ANTXR1: variants seen among roughly 807,000 people sequenced by gnomAD.
The protein encoded by ANTXR1 is ANTXR cell adhesion molecule 1.
In ANTXR1, 19 loss-of-function variants were observed where a neutral mutation model predicts 78.1. That is an observed-to-expected ratio of 0.24 (90% confidence interval 0.17 to 0.36). The LOEUF (loss-of-function observed/expected upper bound fraction) is 0.36. Among genes scored for constraint, ANTXR1 ranks in the 10% least tolerant of loss-of-function variants. ANTXR1 has a pLI of 1.00. For synonymous variants in ANTXR1, 273 were observed against 260.5 expected (o/e 1.05, Z -0.46); for missense variants, 518 against 718.6 (o/e 0.72, Z 3.19).
At chr2:69,187,069 T>C (rs1437690244) in intron 16 of ANTXR1, among the ~76,000 whole-genome samples, 1 of 152,208 alleles carries the variant, frequency 6.6e-6, no homozygotes, top group Non-Finnish European at 1.5e-5. Context: ...TGAATTGCAT[T>C]GCATTAGACC....
chr2:69,145,482 G>A, intron 12 of ANTXR1: 2 of 1,510,728 alleles, frequency 1.3e-6, no homozygotes, highest in Non-Finnish European at 1.8e-6. Context: ...ATGAGTGGAG[G>A]GCAGAGACAG....
intron 3 of ANTXR1, among the ~76,000 whole-genome samples, chr2:69,051,018 A>G (rs1258609653): frequency 1.3e-5 from 2 of 151,944 alleles, no homozygotes; most frequent in Non-Finnish European, 1.5e-5. Flanking sequence ...CGGTGTGGTG[A>G]CTCACACCTA....
chr2:69,138,893 C>T (rs954906118), intron 12 of ANTXR1, among the ~76,000 whole-genome samples: 1 of 152,158 alleles, frequency 6.6e-6, no homozygotes. Flanking sequence ...ACCTGCATTG[C>T]CCAAATTTAT....
intron 12 of ANTXR1, among the ~76,000 whole-genome samples, chr2:69,143,463 G>T (rs1340967553): frequency 6.6e-6 from 1 of 152,090 alleles, no homozygotes; most frequent in African/African-American, 2.4e-5. Flanking sequence ...CAGTGTGAAC[G>T]GTTGAGTTTG....
chr2:69,082,302 C>T (rs115031501), intron 8 of ANTXR1, among the ~76,000 whole-genome samples: 1,698 of 152,304 alleles, frequency 0.011, 36 homozygotes, highest in African/African-American at 0.039. Flanking sequence ...TCCCCTTCCA[C>T]ACTTGCACAG....
intron 11 of ANTXR1, 80 bp downstream of exon 11, chr2:69,123,166 T>C: frequency 6.8e-7 from 1 of 1,474,448 alleles, no homozygotes; most frequent in Non-Finnish European, 9.5e-7. Context: ...AAAGAAAGCA[T>C]CTAGAGAAAG....
chr2:69,025,663 T>G lies in ANTXR1; in HGVS notation c.152+12012T>G, dbSNP rs78670965. Among the ~76,000 whole-genome samples the G allele has an allele frequency of 9.5e-3, 1,443 of 152,312 alleles. 28 individuals are homozygous for G. The highest frequency in any genetic ancestry group is 0.033 in the African/African-American group (1,372 of 41,564). On this transcript the variant is annotated intron_variant, in intron 1 of 17. Transcript: ENST00000303714. Reference sequence around the variant, plus strand: ...AAAGTGAAGACTCCTAACTGTAACTTTAGACCAGTCACAATAATAAACAAT... The same window carrying G: ...AAAGTGAAGACTCCTAACTGTAACTGTAGACCAGTCACAATAATAAACAAT...
intron 9 of ANTXR1, among the ~76,000 whole-genome samples, chr2:69,092,353 C>T (rs974953396): frequency 6.6e-6 from 1 of 152,074 alleles, no homozygotes; most frequent in Admixed American, 6.5e-5. Flanking sequence ...ACTAAAAAAT[C>T]GGTGCCAGCA....
chr2:69,122,417 A>G (rs541863488), intron 10 of ANTXR1, among the ~76,000 whole-genome samples: 1 of 152,236 alleles, frequency 6.6e-6, no homozygotes, highest in African/African-American at 2.4e-5. Context: ...ACTCCTTAGG[A>G]CCAGTCTAAT....
intron 2 of ANTXR1, among the ~76,000 whole-genome samples, chr2:69,042,934 T>C (rs4371390): frequency 0.4 from 60,894 of 151,868 alleles, 18,167 homozygotes; most frequent in African/African-American, 0.81. Flanking sequence ...GCCCTTCCCA[T>C]ACTAGTGTTG....
intron 8 of ANTXR1, among the ~76,000 whole-genome samples, chr2:69,082,639 G>T (rs10168669): frequency 8.6e-5 from 13 of 151,950 alleles, no homozygotes; most frequent in Non-Finnish European, 1.9e-4. Flanking sequence ...AGATAACACC[G>T]AGATGGGTCA....
intron 17 of ANTXR1, among the ~76,000 whole-genome samples, chr2:69,226,036 T>C (rs1036831048): frequency 2.0e-5 from 3 of 152,084 alleles, no homozygotes; most frequent in African/African-American, 7.2e-5. Context: ...CTGCAGTGTG[T>C]CCCCACACTG....
chr2:69,133,905 A>C (rs1017022537), intron 12 of ANTXR1, among the ~76,000 whole-genome samples: 1 of 152,216 alleles, frequency 6.6e-6, no homozygotes, highest in Non-Finnish European at 1.5e-5. Flanking sequence ...GGCTAAAATC[A>C]TGGTTCTGCT....
chr2:69,035,535 A>C (rs1204460083), intron 1 of ANTXR1, among the ~76,000 whole-genome samples: 1 of 152,194 alleles, frequency 6.6e-6, no homozygotes, highest in East Asian at 1.9e-4. Flanking sequence ...AGGGTAACCC[A>C]GAGAAGACAA....
intron 12 of ANTXR1, chr2:69,146,251 G>A: frequency 1.0e-6 from 1 of 985,380 alleles, no homozygotes; most frequent in Non-Finnish European, 1.2e-6. Context: ...AACCCCATGG[G>A]CTGCCTGCTT....
intron 1 of ANTXR1, among the ~76,000 whole-genome samples, chr2:69,025,864 A>C (rs1224274959): frequency 1.3e-5 from 2 of 152,202 alleles, no homozygotes; most frequent in African/African-American, 2.4e-5. Flanking sequence ...AAAGTTTCTC[A>C]GTTTGGATTT....
chr2:69,055,620 A>C (rs1468034342), intron 3 of ANTXR1, among the ~76,000 whole-genome samples: 1 of 152,180 alleles, frequency 6.6e-6, no homozygotes, highest in Non-Finnish European at 1.5e-5. Flanking sequence ...CCTTGTTAAA[A>C]GCAAGAACTT....
chr2:69,134,457 A>G (rs927398791), intron 12 of ANTXR1, among the ~76,000 whole-genome samples: 6 of 152,078 alleles, frequency 3.9e-5, no homozygotes, highest in Non-Finnish European at 8.8e-5. Flanking sequence ...TTGGGTGGGA[A>G]TGAGCTCGCT....
At chr2:69,225,254 T>C (rs1675415064) in intron 17 of ANTXR1, among the ~76,000 whole-genome samples, 2 of 152,188 alleles carry the variant, frequency 1.3e-5, no homozygotes, top group Non-Finnish European at 2.9e-5. Flanking sequence ...ATTTCTCTCC[T>C]GGGTAACACT....
Sources: gnomAD v4.1 joint callset for allele counts (sites outside exome capture counted in the v4.1 genomes callset) on GRCh38, gnomAD v4.1.1 for gene constraint, MANE v1.5 for transcripts, NCBI Gene and HGNC (gene_info 2026-07-23, HGNC 2026-07-21) for gene names.